Variants in MYO3B observed in about 807,000 individuals in gnomAD.
MYO3B encodes myosin IIIB.
In MYO3B, 156 loss-of-function variants were observed where a neutral mutation model predicts 174.6. The observed-to-expected ratio is 0.89, with a 90% CI of 0.78 to 1.02. The LOEUF (loss-of-function observed/expected upper bound fraction) is 1.02. Among genes scored for constraint, MYO3B ranks in the 50% least tolerant of loss-of-function variants. MYO3B has a pLI of 0.00. For missense variants in MYO3B, 1,632 were observed against 1,639.4 expected, an observed-to-expected ratio of 1.00 and a Z score of 0.08; for synonymous variants, 563 against 569.1, an observed-to-expected ratio of 0.99 and a Z score of 0.15.
chr2:170,314,196 C>T (rs1444255851), intron 7 of MYO3B, among the ~76,000 whole-genome samples: 1 of 152,146 alleles, frequency 6.6e-6, no homozygotes, highest in Admixed American at 6.5e-5. Context: ...GCACCTCTCC[C>T]CAGAAGGACC....
chr2:170,651,707 G>C lies in MYO3B; in HGVS notation c.3813G>C (p.Glu1271Asp), dbSNP rs1176832060. The C allele has an allele frequency of 6.2e-7, 1 of 1,614,090 alleles. No individual in the cohort carries two copies. The highest frequency in any genetic ancestry group is 8.5e-7 in the Non-Finnish European group (1 of 1,180,012). Reference protein sequence around the residue: ...CQQPKMLSSPEDTMYYNQLNG... With the variant: ...CQQPKMLSSPDDTMYYNQLNG... The stretch of plus-strand genomic sequence containing the variant: ...AGCCCAAAATGCTGAGTAGCCCTGA[G>C]GACACCATGTACTATAACCAGTTAA... The change falls in exon 33 of 35, where the codon GAG becomes GAC. Residue 1271 changes from glutamate to aspartate, a missense_variant. Physicochemically the swap from Glu to Asp is conservative, Grantham distance 45. Coordinates refer to ENST00000408978, the MANE Select transcript of MYO3B (RefSeq NM_138995.5).
At chr2:170,379,193 AAT>A (rs200396096) in intron 9 of MYO3B, among the ~76,000 whole-genome samples, 28,925 of 134,360 alleles carry the variant, frequency 0.22, 2,709 homozygotes, top group Middle Eastern at 0.29. Context: ...AATGTGGTAC[AAT>A]TTTTTTTTTT....
intron 7 of MYO3B, among the ~76,000 whole-genome samples, chr2:170,240,810 A>C (rs1450561377): frequency 1.3e-5 from 2 of 152,214 alleles, no homozygotes; most frequent in Non-Finnish European, 2.9e-5. Flanking sequence ...TCTTAGGTGA[A>C]CATAGGCTGT....
At chr2:170,326,804 C>G (rs1271206575) in intron 7 of MYO3B, among the ~76,000 whole-genome samples, 1 of 152,234 alleles carries the variant, frequency 6.6e-6, no homozygotes, top group East Asian at 1.9e-4. Context: ...AGCTTGGTGA[C>G]ACCCCCAAAC....
intron 6 of MYO3B, among the ~76,000 whole-genome samples, chr2:170,222,219 T>C (rs752299037): frequency 1.3e-5 from 2 of 152,200 alleles, no homozygotes; most frequent in South Asian, 4.1e-4. Flanking sequence ...TGAGGGGCAG[T>C]AGTGGCTCCA....
intron 8 of MYO3B, chr2:170,340,517 G>T (rs1287323973): frequency 6.6e-6 from 1 of 152,188 alleles, no homozygotes; most frequent in Non-Finnish European, 1.5e-5. Flanking sequence ...ATTAACAAAA[G>T]AAAAGTGGAA....
chr2:170,277,324 C>T (rs556725740), intron 7 of MYO3B, among the ~76,000 whole-genome samples: 17 of 152,314 alleles, frequency 1.1e-4, no homozygotes, highest in Non-Finnish European at 1.8e-4. Context: ...GAAACTAAAA[C>T]GTCATGGTGT....
chr2:170,474,475 G>A (rs1478253660), intron 25 of MYO3B, among the ~76,000 whole-genome samples: 1 of 151,782 alleles, frequency 6.6e-6, no homozygotes, highest in African/African-American at 2.4e-5. Flanking sequence ...GGTGGCTGAC[G>A]CCTGTAATCC....
At chr2:170,591,812 A>T (rs1693834462) in intron 32 of MYO3B, among the ~76,000 whole-genome samples, 1 of 152,224 alleles carries the variant, frequency 6.6e-6, no homozygotes, top group Non-Finnish European at 1.5e-5. Flanking sequence ...TATATACAGA[A>T]TGCACCAGTA....
chr2:170,180,457 G>C (rs148910400), intron 1 of MYO3B, among the ~76,000 whole-genome samples: 1 of 152,100 alleles, frequency 6.6e-6, no homozygotes, highest in African/African-American at 2.4e-5. Flanking sequence ...GGTCCTTTCA[G>C]TTTCTTATTT....
At position 170,649,553 on chromosome 2, in the gene MYO3B, AC is replaced by A. The variant is rs1375050521; in HGVS notation, c.3734-2074del. Reference sequence around the variant, plus strand: ...AAAGGCAATATCTTATAAGCTGGGCACGGTGGCTCATGCCTGTAATCCCAGC... The same window carrying A: ...AAAGGCAATATCTTATAAGCTGGGCAGGTGGCTCATGCCTGTAATCCCAGC... On this transcript the variant is annotated intron_variant, in intron 32 of 34. Coordinates refer to ENST00000408978, the MANE Select transcript of MYO3B (RefSeq NM_138995.5). Among the ~76,000 whole-genome samples the A allele has an allele frequency of 2.0e-5, 3 of 148,660 alleles. No individual in the cohort carries two copies. In the East Asian group the frequency reaches 5.9e-4, roughly 29 times the overall value.
At chr2:170,556,505 C>G (rs1013026081) in intron 32 of MYO3B, among the ~76,000 whole-genome samples, 1 of 151,446 alleles carries the variant, frequency 6.6e-6, no homozygotes, top group Non-Finnish European at 1.5e-5. Context: ...CCTTTGGGGT[C>G]GTCAGTATCT....
At chr2:170,218,929 A>G (rs972660236) in intron 6 of MYO3B, among the ~76,000 whole-genome samples, 7 of 152,198 alleles carry the variant, frequency 4.6e-5, no homozygotes, top group Admixed American at 1.3e-4. Flanking sequence ...AAAGCTCTTA[A>G]TATTCCAGCC....
intron 32 of MYO3B, among the ~76,000 whole-genome samples, chr2:170,580,802 G>T: frequency 6.7e-6 from 1 of 148,944 alleles, no homozygotes. Context: ...TTGTATAAAT[G>T]CAGAATATAT....
intron 7 of MYO3B, among the ~76,000 whole-genome samples, chr2:170,316,044 T>G (rs1441091211): frequency 6.6e-6 from 1 of 152,240 alleles, no homozygotes; most frequent in Admixed American, 6.5e-5. Context: ...TAGTGGATTA[T>G]TTTTTACTGG....
intron 32 of MYO3B, among the ~76,000 whole-genome samples, chr2:170,558,126 C>T (rs958500147): frequency 6.6e-6 from 1 of 152,104 alleles, no homozygotes; most frequent in African/African-American, 2.4e-5. Context: ...ACGGTGAAAT[C>T]CCATCTCTAC....
chr2:170,356,256 T>C lies in MYO3B; in HGVS notation c.816-12966T>C, dbSNP rs13390737. Among the ~76,000 whole-genome samples, 1,389 of 152,082 alleles carry C rather than the reference T, an allele frequency of 9.1e-3. 22 individuals are homozygous for C. The highest frequency in any genetic ancestry group is 0.032 in the African/African-American group (1,341 of 41,488). ...GATTACAGGCATGAGCCACCGCGCC[T>C]GGCCAACAGGCTTCGGTTTACATTG... is the stretch of plus-strand genomic sequence containing the variant. On this transcript the variant is annotated intron_variant, in intron 8 of 34. Transcript: ENST00000408978.
At chr2:170,339,714 A>G (rs777066817) in intron 8 of MYO3B, among the ~76,000 whole-genome samples, 33 of 152,204 alleles carry the variant, frequency 2.2e-4, no homozygotes, top group Non-Finnish European at 3.2e-4. Context: ...GTTTTAAAAG[A>G]AGCATCAGCC....
chr2:170,579,879 G>T (rs1427372707), intron 32 of MYO3B, among the ~76,000 whole-genome samples: 1 of 152,214 alleles, frequency 6.6e-6, no homozygotes, highest in Non-Finnish European at 1.5e-5. Flanking sequence ...CTGTGTGAAG[G>T]TTCTGCTCCT....
Sources: allele counts gnomAD v4.1 joint callset (sites outside exome capture counted in the v4.1 genomes callset), GRCh38; gene constraint gnomAD v4.1.1; transcripts MANE v1.5; gene names NCBI Gene and HGNC (gene_info 2026-07-23, HGNC 2026-07-21).